FBXO42: variants seen among roughly 807,000 people sequenced by gnomAD.
FBXO42 encodes the protein F-box only protein 42.
A neutral mutation model predicts 71.7 loss-of-function variants in FBXO42; 12 were observed. The observed-to-expected ratio is 0.17, with a 90% CI of 0.11 to 0.27. The LOEUF (loss-of-function observed/expected upper bound fraction) is 0.27, where lower values mean the gene tolerates loss of function less well. FBXO42 is among the 10% of genes least tolerant of loss of function. The pLI is 1.00. For missense variants in FBXO42, 707 were observed against 911.9 expected, an observed-to-expected ratio of 0.78 and a Z score of 2.89; for synonymous variants, 325 against 327.5, an observed-to-expected ratio of 0.99 and a Z score of 0.08.
intron 4 of FBXO42, among the ~76,000 whole-genome samples, chr1:16,263,861 A>T (rs1569824475): frequency 7.5e-6 from 1 of 133,988 alleles, no homozygotes. Flanking sequence ...CCCAGGCTGG[A>T]GTGCGATGGC....
intron 4 of FBXO42, among the ~76,000 whole-genome samples, chr1:16,267,442 C>T (rs1314677269): frequency 1.3e-5 from 2 of 152,098 alleles, no homozygotes; most frequent in African/African-American, 4.8e-5. Context: ...AGTAAGACTA[C>T]ACTATCCTAG....
At chr1:16,322,500 T>C (rs2082416328) in intron 1 of FBXO42, among the ~76,000 whole-genome samples, 1 of 152,094 alleles carries the variant, frequency 6.6e-6, no homozygotes, top group African/African-American at 2.4e-5. Context: ...TGCTTGAACC[T>C]GGGAGGCGGA....
chr1:16,273,832 T>C (rs555248978), intron 4 of FBXO42, among the ~76,000 whole-genome samples: 3 of 151,446 alleles, frequency 2.0e-5, no homozygotes, highest in South Asian at 2.1e-4. Context: ...TGAGCCAAGA[T>C]TGTGCCACTG....
At chr1:16,292,131 T>C (rs1471704865) in intron 4 of FBXO42, among the ~76,000 whole-genome samples, 2 of 152,252 alleles carry the variant, frequency 1.3e-5, no homozygotes, top group Admixed American at 6.5e-5. Flanking sequence ...TTCAGGAGTT[T>C]GTATGTTTTG....
intron 2 of FBXO42, among the ~76,000 whole-genome samples, chr1:16,313,223 C>G (rs1030922898): frequency 2.0e-5 from 3 of 149,928 alleles, no homozygotes; most frequent in Admixed American, 6.7e-5. Flanking sequence ...AAAGATCGAT[C>G]TAAGATTGTG....
At chr1:16,326,528 A>G (rs1397089501) in intron 1 of FBXO42, among the ~76,000 whole-genome samples, 1 of 151,670 alleles carries the variant, frequency 6.6e-6, no homozygotes. Context: ...TACAAAAAAT[A>G]CAAAAATTAG....
intron 1 of FBXO42, among the ~76,000 whole-genome samples, chr1:16,326,014 TTGTGTGTGTGTGTGTG>T (rs34752325): frequency 7.3e-6 from 1 of 137,420 alleles, no homozygotes; most frequent in South Asian, 2.4e-4. Context: ...GTGCCCAAAT[TTGTGTGTGTGTGTGTG>T]TGTGTGTGTG....
intron 1 of FBXO42, among the ~76,000 whole-genome samples, chr1:16,333,268 T>C (rs1468605405): frequency 6.6e-6 from 1 of 152,170 alleles, no homozygotes; most frequent in African/African-American, 2.4e-5. Flanking sequence ...TTTCTACTTT[T>C]CACCACTTCA....
At chr1:16,349,739 G>T (rs2082682346) in intron 1 of FBXO42, among the ~76,000 whole-genome samples, 1 of 152,156 alleles carries the variant, frequency 6.6e-6, no homozygotes, top group African/African-American at 2.4e-5. Context: ...GCAGGCACCT[G>T]CAATCCCAGT....
chr1:16,328,960 C>G (rs902845589), intron 1 of FBXO42, among the ~76,000 whole-genome samples: 2 of 151,092 alleles, frequency 1.3e-5, no homozygotes, highest in Admixed American at 6.6e-5. Flanking sequence ...GTCAGGGGTT[C>G]GAGACAAGCC....
At chr1:16,254,119 C>T (rs553703353) in intron 6 of FBXO42, among the ~76,000 whole-genome samples, 1 of 152,322 alleles carries the variant, frequency 6.6e-6, no homozygotes, top group Admixed American at 6.5e-5. Context: ...CCCCTACTTT[C>T]CCTAGAAGTC....
At chr1:16,274,219 T>C (rs570001930) in intron 4 of FBXO42, among the ~76,000 whole-genome samples, 8 of 151,910 alleles carry the variant, frequency 5.3e-5, no homozygotes, top group South Asian at 2.1e-4. Flanking sequence ...GGCAGGAGGA[T>C]TGCTTGAGCC....
chr1:16,322,401 C>T (rs2082415744), intron 1 of FBXO42, among the ~76,000 whole-genome samples: 1 of 152,136 alleles, frequency 6.6e-6, no homozygotes, highest in Non-Finnish European at 1.5e-5. Context: ...CATGGGGAAA[C>T]CCCGTCTCTA....
intron 4 of FBXO42, among the ~76,000 whole-genome samples, chr1:16,261,474 C>G (rs1285494732): frequency 6.6e-6 from 1 of 152,124 alleles, no homozygotes; most frequent in Non-Finnish European, 1.5e-5. Context: ...ATCTCCATGG[C>G]CTATTTTATG....
At chr1:16,346,753 ATTTTTTT>A in intron 1 of FBXO42, among the ~76,000 whole-genome samples, 1 of 125,094 alleles carries the variant, frequency 8.0e-6, no homozygotes, top group Non-Finnish European at 1.7e-5. Context: ...TGAACAGTAC[ATTTTTTT>A]TTTTTTTTTT....
intron 1 of FBXO42, among the ~76,000 whole-genome samples, chr1:16,323,248 C>T (rs2082422657): frequency 6.6e-6 from 1 of 151,196 alleles, no homozygotes; most frequent in African/African-American, 2.4e-5. Flanking sequence ...GAAACCCCAT[C>T]TCTACTAAAA....
intron 4 of FBXO42, among the ~76,000 whole-genome samples, chr1:16,287,657 C>T (rs2082036026): frequency 6.6e-6 from 1 of 152,160 alleles, no homozygotes; most frequent in East Asian, 1.9e-4. Flanking sequence ...GAACTCAAGC[C>T]ATCCTGGCCT....
intron 1 of FBXO42, among the ~76,000 whole-genome samples, chr1:16,318,003 G>A (rs191507294): frequency 1.5e-3 from 234 of 152,166 alleles, no homozygotes; most frequent in Non-Finnish European, 2.5e-3. Context: ...AATTTATGCT[G>A]TTACAAGTGA....
At chr1:16,352,027 G>A (rs1307864871) in intron 1 of FBXO42, among the ~76,000 whole-genome samples, 6 of 152,122 alleles carry the variant, frequency 3.9e-5, no homozygotes, top group African/African-American at 1.4e-4. Flanking sequence ...GAGGAGAGGG[G>A]GTGGGTTCGC....
Sources: allele counts gnomAD v4.1 joint callset (sites outside exome capture counted in the v4.1 genomes callset), GRCh38; gene constraint gnomAD v4.1.1; transcripts MANE v1.5; gene names NCBI Gene and HGNC (gene_info 2026-07-23, HGNC 2026-07-21).